DST: variants seen among roughly 807,000 people sequenced by gnomAD.
The protein encoded by DST is bullous pemphigoid antigen.
In DST, 253 loss-of-function variants were observed where a neutral mutation model predicts 875.2. The observed-to-expected ratio is 0.29, with a 90% CI of 0.26 to 0.32. The LOEUF is 0.32. Ranked by LOEUF, DST falls within the 10% of genes least tolerant of loss-of-function variation. The pLI is 1.00. For missense variants in DST, 8,287 were observed against 9,111.6 expected, an observed-to-expected ratio of 0.91 and a Z score of 3.68; for synonymous variants, 3,124 against 3,197.1, an observed-to-expected ratio of 0.98 and a Z score of 0.77.
intron 34 of DST, among the ~76,000 whole-genome samples, chr6:56,625,991 C>A (rs1242861921): frequency 1.7e-3 from 239 of 136,606 alleles, no homozygotes; most frequent in East Asian, 0.01. Context: ...AAAAAAAAAA[C>A]CAAAAATTAA....
intron 23 of DST, among the ~76,000 whole-genome samples, chr6:56,636,135 A>G (rs918002478): frequency 2.6e-5 from 4 of 151,964 alleles, no homozygotes; most frequent in African/African-American, 9.7e-5. Flanking sequence ...ATTTTATGAT[A>G]TCTTAAGAAT....
intron 49 of DST, among the ~76,000 whole-genome samples, chr6:56,589,988 G>A (rs1159860665): frequency 6.6e-6 from 1 of 152,186 alleles, no homozygotes; most frequent in African/African-American, 2.4e-5. Context: ...AAAAGTAATT[G>A]TAAAATGTTA....
At position 56,602,999 on chromosome 6, in the gene DST, C is replaced by T; in HGVS notation, c.11190G>A (p.Leu3730=). 1 of 1,585,932 alleles carries T rather than the reference C, an allele frequency of 6.3e-7. No individual in the cohort carries two copies. Among genetic ancestry groups the T allele is most frequent in the Non-Finnish European group, 8.5e-7 (1 of 1,171,708 alleles). ...SKLAVSHEEF[L]HKLKSFSDWV... is the part of the protein sequence containing the mutation. Reference sequence around the variant, plus strand: ...AATCTGAGAATGACTTAAGTTTATGCAGAAATTCTTCATGGGAAACTGCTA... The same window carrying T: ...AATCTGAGAATGACTTAAGTTTATGTAGAAATTCTTCATGGGAAACTGCTA... Residue 3730 remains leucine, a synonymous_variant, in exon 43 of 104, where the codon CTG becomes CTA. Transcript: ENST00000680361.
chr6:56,497,775 G>T, intron 81 of DST, 81 bp downstream of exon 81: 1 of 1,264,838 alleles, frequency 7.9e-7, no homozygotes, highest in Non-Finnish European at 1.1e-6. Context: ...TTAAACAGGA[G>T]TCTGTGAACT....
At chr6:56,565,958 G>A (rs1393210820) in intron 55 of DST, among the ~76,000 whole-genome samples, 1 of 152,224 alleles carries the variant, frequency 6.6e-6, no homozygotes, top group East Asian at 1.9e-4. Context: ...GGTGGGCTCT[G>A]CCCAGTTCGA....
intron 60 of DST, 37 bp from the exon 61 acceptor site, chr6:56,553,692 C>T: frequency 6.4e-7 from 1 of 1,557,584 alleles, no homozygotes; most frequent in Non-Finnish European, 8.7e-7. Context: ...TATTTTACAT[C>T]AAAATGTTAA....
intron 12 of DST, among the ~76,000 whole-genome samples, chr6:56,648,912 C>T (rs879912084): frequency 4.6e-5 from 7 of 152,086 alleles, no homozygotes; most frequent in African/African-American, 7.2e-5. Context: ...TTATGAGTGC[C>T]AATTCTGATC....
chr6:56,458,957 A>G lies in DST; in HGVS notation c.*48T>C, dbSNP rs1485821725. The G allele has an allele frequency of 1.3e-6, 2 of 1,492,198 alleles. No homozygotes were observed. Among genetic ancestry groups the G allele is most frequent in the African/African-American group, 2.8e-5 (2 of 71,760 alleles). 92.4% of individuals were successfully genotyped at this position (1,492,198 alleles called of 1,614,324 possible). ...CTACACCATATTTTACATCGTTCAA[A>G]CTTAAATAATAAATGCTCAAGGAAG... is the stretch of plus-strand genomic sequence containing the variant. On this transcript the variant is annotated 3_prime_UTR_variant, in exon 104 of 104. Transcript: ENST00000680361.
chr6:56,934,035 A>AT (rs1479895030), intron 2 of DST, among the ~76,000 whole-genome samples: 1 of 151,890 alleles, frequency 6.6e-6, no homozygotes, highest in African/African-American at 2.4e-5. Context: ...ACATATATAT[A>AT]TTTTTTATTT....
chr6:56,517,430 C>T, intron 70 of DST, 71 bp downstream of exon 70: 1 of 1,597,164 alleles, frequency 6.3e-7, no homozygotes. Flanking sequence ...GTAAATCATA[C>T]AAGCACATTT....
In DST at chr6:56,639,576, T is replaced by C. The variant is rs200851963; in HGVS notation, c.2733A>G (p.Thr911=). Residue 911 remains threonine, a synonymous_variant, in exon 21 of 104, where the codon ACA becomes ACG. Coordinates refer to ENST00000680361, the MANE Select transcript of DST (RefSeq NM_001374736.1). ...TCGCACGACTTACAAAATTATGGAG[T>C]GTATCAAGGTGCCGTTCTTGATTCC... is the stretch of plus-strand genomic sequence containing the variant. The part of the protein sequence containing the change: ...TSRNQERHLD[T]LHNFVSRATN... 7.4e-6 allele frequency: 12 copies of C among 1,613,828 alleles called. No homozygotes were observed. The East Asian group carries it at 2.7e-4, about 36-fold the overall frequency.
At position 56,572,931 on chromosome 6, in the gene DST, C is replaced by G; in HGVS notation, c.13370G>C (p.Arg4457Pro). The change falls in exon 52 of 104, where the codon CGG (arginine) becomes CCG (proline). Residue 4457 changes from arginine (R) to proline (P), a missense_variant. This residue lies in a region of DST where 1,513 missense variants were observed against 1,677.8 expected (regional missense o/e 0.90). Coordinates refer to ENST00000680361, the MANE Select transcript of DST (RefSeq NM_001374736.1). ...GTGTTTATGACTTGCTTCTGAAAACCGAGCAGACAAGTCTTTCATTTTGGC... is the reference window on the plus strand; with the variant it reads ...GTGTTTATGACTTGCTTCTGAAAACGGAGCAGACAAGTCTTTCATTTTGGC... ...LQAKMKDLSA[R>P]FSEASHKHKE... 6.2e-7 allele frequency: 1 copy of G among 1,613,144 alleles called. No individual in the cohort carries two copies. Among genetic ancestry groups the G allele is most frequent in the Non-Finnish European group, 8.5e-7 (1 of 1,179,610 alleles).
In DST at chr6:56,615,628, T is replaced by G. The variant is rs145110038; in HGVS notation, c.4930-1144A>C. ...CAGCTTTTTCTAAGGCTTCTTTATA[T>G]GTCAACTTTCTTTTTGTCTGAGGGC... On this transcript the variant is annotated intron_variant, in intron 36 of 103. Transcript: ENST00000680361. The G allele has an allele frequency of 4.2e-5, 67 of 1,614,048 alleles. No individual in the cohort carries two copies. The highest frequency in any genetic ancestry group is 5.1e-5 in the Non-Finnish European group (60 of 1,180,004).
chr6:56,574,917 T>C (rs2097842903), intron 50 of DST, among the ~76,000 whole-genome samples: 1 of 152,204 alleles, frequency 6.6e-6, no homozygotes, highest in South Asian at 2.1e-4. Context: ...CTCTAACATC[T>C]TACTGACTTG....
At chr6:56,771,309 C>T (rs2099661838) in intron 4 of DST, among the ~76,000 whole-genome samples, 1 of 151,996 alleles carries the variant, frequency 6.6e-6, no homozygotes, top group African/African-American at 2.4e-5. Flanking sequence ...CACAGGGCCC[C>T]CAATTTAGGC....
intron 9 of DST, among the ~76,000 whole-genome samples, chr6:56,675,579 T>G (rs764890681): frequency 6.6e-6 from 1 of 152,194 alleles, no homozygotes; most frequent in Admixed American, 6.5e-5. Flanking sequence ...CTTGGCCGGA[T>G]GTGGTGGCTC....
chr6:56,825,502 T>TA (rs749148452), intron 4 of DST, among the ~76,000 whole-genome samples: 80,517 of 109,126 alleles, frequency 0.74, 29,933 homozygotes, highest in East Asian at 0.94. Flanking sequence ...CAATAAATAC[T>TA]AAAAAAAAAA....
chr6:56,571,367 T>C (rs2097778829), intron 53 of DST, among the ~76,000 whole-genome samples: 1 of 152,200 alleles, frequency 6.6e-6, no homozygotes, highest in Non-Finnish European at 1.5e-5. Context: ...AAATACCATA[T>C]GACAGGATGG....
At chr6:56,620,333 T>C (rs1274653084) in intron 36 of DST, 1 of 1,613,964 alleles carries the variant, frequency 6.2e-7, no homozygotes, top group East Asian at 2.2e-5. Flanking sequence ...ATTCAGGAGG[T>C]TCTCTTCCAC....
Sources: allele counts gnomAD v4.1 joint callset (sites outside exome capture counted in the v4.1 genomes callset), GRCh38; gene constraint gnomAD v4.1.1; regional missense constraint gnomAD v4.1.1; transcripts MANE v1.5; gene names NCBI Gene and HGNC (gene_info 2026-07-23, HGNC 2026-07-21).